Variants in IL1RAPL1 observed in about 807,000 individuals in gnomAD.
IL1RAPL1 encodes the protein interleukin 1 receptor accessory protein like 1, also known as interleukin-1 receptor accessory protein-like 1.
A neutral mutation model predicts 48.4 loss-of-function variants in IL1RAPL1; 3 were observed. The ratio of observed to expected loss-of-function variants is 0.06; its 90% CI spans 0.03 to 0.16. The LOEUF (loss-of-function observed/expected upper bound fraction) is 0.16, where lower values mean the gene tolerates loss of function less well. Among genes scored for constraint, IL1RAPL1 ranks in the 10% least tolerant of loss-of-function variants. The pLI, the probability that IL1RAPL1 is intolerant of heterozygous loss-of-function variation, is 1.00. For synonymous variants in IL1RAPL1, 185 were observed against 187.7 expected (o/e 0.99, Z 0.12); for missense variants, 349 against 530.6 (o/e 0.66, Z 3.36).
intron 6 of IL1RAPL1, among the ~76,000 whole-genome samples, chrX:29,856,657 C>T (rs1428029393): frequency 9.0e-6 from 1 of 111,431 alleles, no homozygotes; most frequent in Non-Finnish European, 1.9e-5. Flanking sequence ...TAGCTGAATT[C>T]ATGTATCCAG....
chrX:29,066,897 GGA>G (rs1927462565), intron 2 of IL1RAPL1, among the ~76,000 whole-genome samples: 1 of 111,384 alleles, frequency 9.0e-6, no homozygotes, highest in South Asian at 3.8e-4. Context: ...TGGGAGCTGG[GGA>G]GAGTGTTAAG....
At chrX:29,471,141 C>T (rs1934916314) in intron 5 of IL1RAPL1, among the ~76,000 whole-genome samples, 2 of 110,042 alleles carry the variant, frequency 1.8e-5, no homozygotes, top group Admixed American at 2.0e-4. Flanking sequence ...ATCACAGGAG[C>T]ATCTGTGATC....
chrX:29,332,095 C>CTTTTTTTTTTTTTTTTTTTTTTT (rs72360733), intron 3 of IL1RAPL1, among the ~76,000 whole-genome samples: 1 of 27,889 alleles, frequency 3.6e-5, no homozygotes, highest in African/African-American at 1.1e-4. Context: ...ATTCTAAGGT[C>CTTTTTTTTTTTTTTTTTTTTTTT]TTTTTTTTTT....
At chrX:28,951,411 G>T (rs1341883037) in intron 2 of IL1RAPL1, among the ~76,000 whole-genome samples, 1 of 55,326 alleles carries the variant, frequency 1.8e-5, no homozygotes, top group Non-Finnish European at 3.1e-5. Flanking sequence ...CATGATAAAT[G>T]GTAAAAAAAA....
chrX:29,299,016 C>T (rs1932492458), intron 3 of IL1RAPL1, among the ~76,000 whole-genome samples: 1 of 109,211 alleles, frequency 9.2e-6, no homozygotes, highest in Non-Finnish European at 1.9e-5. Context: ...TGGGTGGGCA[C>T]CATCTATTCA....
intron 5 of IL1RAPL1, among the ~76,000 whole-genome samples, chrX:29,498,277 A>G (rs1350388480): frequency 9.0e-6 from 1 of 111,458 alleles, no homozygotes; most frequent in Admixed American, 9.5e-5. Context: ...GGCTGCAAAC[A>G]GTTCTTCCCC....
chrX:29,376,025 T>C (rs906419398), intron 3 of IL1RAPL1, among the ~76,000 whole-genome samples: 1 of 112,238 alleles, frequency 8.9e-6, no homozygotes, highest in East Asian at 2.8e-4. Flanking sequence ...GTTTTATTGA[T>C]CTGTTGAATG....
intron 2 of IL1RAPL1, among the ~76,000 whole-genome samples, chrX:29,230,523 A>AAAAAAAAAAC (rs1569265300): frequency 1.2e-4 from 11 of 93,334 alleles, no homozygotes; most frequent in African/African-American, 3.8e-4. Flanking sequence ...AAAAAAAAAA[A>AAAAAAAAAAC]AAAAAAAAAA....
intron 2 of IL1RAPL1, among the ~76,000 whole-genome samples, chrX:29,080,990 TTCTTTCTCTCTC>T (rs1927808624): frequency 3.5e-5 from 1 of 28,185 alleles, no homozygotes; most frequent in Admixed American, 5.1e-4. Flanking sequence ...CTTTCTTTCT[TTCTTTCTCTCTC>T]TCTCTCTCTC....
chrX:29,425,459 C>G (rs754002180), intron 5 of IL1RAPL1, among the ~76,000 whole-genome samples: 1 of 111,584 alleles, frequency 9.0e-6, no homozygotes, highest in Non-Finnish European at 1.9e-5. Flanking sequence ...TTAAATTTAA[C>G]ACTGTTATCT....
intron 1 of IL1RAPL1, among the ~76,000 whole-genome samples, chrX:28,750,549 A>G (rs1936030154): frequency 2.7e-5 from 3 of 111,689 alleles, no homozygotes; most frequent in Non-Finnish European, 5.6e-5. Flanking sequence ...AGTTATATTT[A>G]TATCATATTT....
intron 6 of IL1RAPL1, among the ~76,000 whole-genome samples, chrX:29,803,165 A>C (rs1256397298): frequency 1.7e-4 from 14 of 82,338 alleles, no homozygotes; most frequent in African/African-American, 6.4e-4. Flanking sequence ...ACATGCATAC[A>C]CATATGCATA....
At chrX:29,474,757 G>A (rs1934955700) in intron 5 of IL1RAPL1, among the ~76,000 whole-genome samples, 1 of 111,747 alleles carries the variant, frequency 8.9e-6, no homozygotes, top group Admixed American at 9.5e-5. Flanking sequence ...AACTATTCAT[G>A]AGACATCTGC....
At chrX:29,221,336 A>G (rs1235864126) in intron 2 of IL1RAPL1, among the ~76,000 whole-genome samples, 1 of 111,500 alleles carries the variant, frequency 9.0e-6, no homozygotes, top group Non-Finnish European at 1.9e-5. Context: ...AAACTGACCA[A>G]ACACACCTTC....
At chrX:28,609,628 T>TACACACACACACACACAC in intron 1 of IL1RAPL1, among the ~76,000 whole-genome samples, 1 of 89,440 alleles carries the variant, frequency 1.1e-5, no homozygotes, top group Middle Eastern at 6.0e-3. Flanking sequence ...TGCATGTTCT[T>TACACACACACACACACAC]ACACACACAC....
intron 2 of IL1RAPL1, among the ~76,000 whole-genome samples, chrX:29,139,114 A>C (rs1159683429): frequency 8.9e-6 from 1 of 111,805 alleles, no homozygotes; most frequent in Non-Finnish European, 1.9e-5. Context: ...AGCCAGTAGC[A>C]CTGGATTTCC....
intron 1 of IL1RAPL1, among the ~76,000 whole-genome samples, chrX:28,760,619 G>T (rs1332216414): frequency 9.0e-6 from 1 of 111,479 alleles, no homozygotes; most frequent in Non-Finnish European, 1.9e-5. Context: ...ACCATAACGT[G>T]TAAAAGTAAA....
At position 29,917,861 on chromosome X, in the gene IL1RAPL1, G is replaced by A. The variant is rs369913664; in HGVS notation, c.911+265G>A. 5.5e-5 allele frequency among the ~76,000 whole-genome samples: 6 copies of A among 108,260 alleles called. 1 individual carries two copies. The highest frequency in any genetic ancestry group is 2.9e-4 in the East Asian group (1 of 3,444). 94.0% of individuals were successfully genotyped at this position (108,260 alleles called of 115,157 possible). ...AGTGCGGCTGGGGGTGGTGGCTCTC[G>A]CCTGTAATCCCAGCACTTTGGGAGG... On this transcript the variant is annotated intron_variant, in intron 7 of 10. Transcript: ENST00000378993.
chrX:29,370,887 A>T (rs1234695771), intron 3 of IL1RAPL1, among the ~76,000 whole-genome samples: 1 of 109,680 alleles, frequency 9.1e-6, no homozygotes, highest in African/African-American at 3.3e-5. Flanking sequence ...TATTTGACAC[A>T]TATTAATTTT....
Sources: gnomAD v4.1 joint callset for allele counts (sites outside exome capture counted in the v4.1 genomes callset) on GRCh38, gnomAD v4.1.1 for gene constraint, MANE v1.5 for transcripts, NCBI Gene and HGNC (gene_info 2026-07-23, HGNC 2026-07-21) for gene names.